TRPM3: variants seen among roughly 807,000 people sequenced by gnomAD.
TRPM3 encodes transient receptor potential cation channel subfamily M member 3.
Under a neutral mutation model 181.2 loss-of-function variants are expected in TRPM3, and 77 were observed. The observed-to-expected ratio is 0.42, with a 90% CI of 0.35 to 0.51. TRPM3 has a LOEUF of 0.51. TRPM3 is among the 20% of genes least tolerant of loss of function. The pLI, the probability that TRPM3 is intolerant of heterozygous loss-of-function variation, is 0.01. For missense variants in TRPM3, 1,759 were observed against 2,196.7 expected (o/e 0.80, Z 3.98); for synonymous variants, 745 against 796.4 (o/e 0.94, Z 1.09).
chr9:70,933,352 G>T (rs1212242602), intron 1 of TRPM3, among the ~76,000 whole-genome samples: 6 of 152,188 alleles, frequency 3.9e-5, no homozygotes, highest in Admixed American at 3.9e-4. Context: ...AGGAGAATAG[G>T]ATCTTGGTTG....
intron 1 of TRPM3, among the ~76,000 whole-genome samples, chr9:71,215,047 C>CAAAAAAAAAAAAA (rs72383590): frequency 5.3e-5 from 6 of 112,560 alleles, no homozygotes; most frequent in Admixed American, 8.9e-5. Context: ...AAAAAAAAAA[C>CAAAAAAAAAAAAA]AAAAAAAAAA....
intron 1 of TRPM3, among the ~76,000 whole-genome samples, chr9:71,107,566 G>C (rs959814963): frequency 3.5e-4 from 53 of 152,256 alleles, no homozygotes; most frequent in African/African-American, 1.2e-3. Flanking sequence ...ACCTAGCAGA[G>C]TTTCTGACAC....
intron 1 of TRPM3, among the ~76,000 whole-genome samples, chr9:71,261,176 A>G (rs867086086): frequency 3.2e-4 from 48 of 152,284 alleles, no homozygotes; most frequent in African/African-American, 1.1e-3. Context: ...ACATAGTCCC[A>G]TATTCCTTGG....
intron 1 of TRPM3, among the ~76,000 whole-genome samples, chr9:71,181,678 A>C (rs2077412838): frequency 6.6e-6 from 1 of 152,120 alleles, no homozygotes; most frequent in African/African-American, 2.4e-5. Flanking sequence ...CAAAAAAGTG[A>C]TGTCAAATTT....
chr9:71,058,418 TA>T (rs2060916929), intron 1 of TRPM3, among the ~76,000 whole-genome samples: 1 of 151,992 alleles, frequency 6.6e-6, no homozygotes, highest in Non-Finnish European at 1.5e-5. Context: ...CTCTGAAGGT[TA>T]ATCAAATGGA....
At chr9:70,833,062 C>G (rs527799444) in intron 5 of TRPM3, among the ~76,000 whole-genome samples, 8 of 152,162 alleles carry the variant, frequency 5.3e-5, no homozygotes, top group Non-Finnish European at 1.2e-4. Context: ...GAGGACTTGA[C>G]TAATTTCTGT....
At chr9:71,106,839 T>C (rs1207389978) in intron 1 of TRPM3, among the ~76,000 whole-genome samples, 3 of 152,130 alleles carry the variant, frequency 2.0e-5, no homozygotes, top group African/African-American at 4.8e-5. Context: ...CAAAGTTGTT[T>C]GGATATGGAA....
intron 1 of TRPM3, among the ~76,000 whole-genome samples, chr9:71,358,579 A>G (rs1403776155): frequency 6.6e-6 from 1 of 152,166 alleles, no homozygotes; most frequent in Admixed American, 6.5e-5. Flanking sequence ...CTAAATGCCT[A>G]TCTATCAGCA....
intron 1 of TRPM3, among the ~76,000 whole-genome samples, chr9:70,955,404 C>T (rs1537997): frequency 0.76 from 116,129 of 152,170 alleles, 44,717 homozygotes; most frequent in African/African-American, 0.83. Flanking sequence ...CTTCAGATAT[C>T]CTTCTCTGTT....
At chr9:70,896,134 T>C (rs1003510564) in intron 1 of TRPM3, among the ~76,000 whole-genome samples, 4 of 152,162 alleles carry the variant, frequency 2.6e-5, no homozygotes, top group Non-Finnish European at 4.4e-5. Context: ...AGAAAAAACA[T>C]AGAAACCAGA....
At chr9:70,920,051 A>G (rs1425980582) in intron 1 of TRPM3, among the ~76,000 whole-genome samples, 2 of 152,186 alleles carry the variant, frequency 1.3e-5, no homozygotes, top group Non-Finnish European at 2.9e-5. Flanking sequence ...ATCAAGTCCA[A>G]TGGGGAGGCT....
intron 1 of TRPM3, among the ~76,000 whole-genome samples, chr9:70,980,715 T>C (rs544899055): frequency 6.6e-6 from 1 of 152,346 alleles, no homozygotes; most frequent in African/African-American, 2.4e-5. Flanking sequence ...ACACATACTG[T>C]CTTTAACTAC....
At chr9:71,293,716 G>A (rs1480149605) in intron 1 of TRPM3, among the ~76,000 whole-genome samples, 1 of 151,826 alleles carries the variant, frequency 6.6e-6, no homozygotes, top group Admixed American at 6.6e-5. Context: ...TAACTTGACA[G>A]AATAATTCCA....
At chr9:70,558,340 A>T (rs1818019663) in intron 22 of TRPM3, among the ~76,000 whole-genome samples, 1 of 152,154 alleles carries the variant, frequency 6.6e-6, no homozygotes, top group South Asian at 2.1e-4. Flanking sequence ...TGACTGATAC[A>T]ATTACCCCCA....
intron 1 of TRPM3, among the ~76,000 whole-genome samples, chr9:71,178,385 G>A (rs1484996335): frequency 6.6e-6 from 1 of 151,958 alleles, no homozygotes; most frequent in Non-Finnish European, 1.5e-5. Context: ...GAAATGAAAG[G>A]GGGAGTAAAA....
rs575723790 is a variant in TRPM3, at chr9:70,983,915, A to T, written c.178-119404T>A. ...ACTTCCTGGACTGGTTACTCTACAT[A>T]GCAGGTTGGCTTCCTGGGGTGGTTA... On this transcript the variant is annotated intron_variant, in intron 1 of 25. Coordinates refer to ENST00000677713, the MANE Select transcript of TRPM3 (RefSeq NM_001366145.2). 6.8e-4 allele frequency among the ~76,000 whole-genome samples: 104 copies of T among 152,276 alleles called. 1 individual carries two copies. The highest frequency in any genetic ancestry group is 3.4e-3 in the Middle Eastern group (1 of 294).
intron 1 of TRPM3, among the ~76,000 whole-genome samples, chr9:70,902,330 T>C (rs1010668624): frequency 6.6e-6 from 1 of 152,236 alleles, no homozygotes; most frequent in Non-Finnish European, 1.5e-5. Context: ...TATGCTTGAC[T>C]CTGTTGTACT....
intron 25 of TRPM3, among the ~76,000 whole-genome samples, chr9:70,538,667 C>T (rs554305725): frequency 1.3e-5 from 2 of 152,028 alleles, no homozygotes; most frequent in Non-Finnish European, 2.9e-5. Flanking sequence ...GGCTCAAGTG[C>T]TTCTCGTGCC....
chr9:71,046,917 A>C (rs1005536282), intron 1 of TRPM3, among the ~76,000 whole-genome samples: 2 of 152,240 alleles, frequency 1.3e-5, no homozygotes, highest in African/African-American at 4.8e-5. Context: ...AGTTCACTTA[A>C]GGAATGTTCA....
Sources: gnomAD v4.1 joint callset for allele counts (sites outside exome capture counted in the v4.1 genomes callset) on GRCh38, gnomAD v4.1.1 for gene constraint, MANE v1.5 for transcripts, NCBI Gene and HGNC (gene_info 2026-07-23, HGNC 2026-07-21) for gene names.